The following WDR7 variants were observed in gnomAD, a reference collection of about 807,000 sequenced individuals.
The protein encoded by WDR7 is WD repeat-containing protein 7.
In WDR7, 46 loss-of-function variants were observed where a neutral mutation model predicts 169.4. The ratio of observed to expected loss-of-function variants is 0.27; its 90% CI spans 0.21 to 0.35. WDR7 has a LOEUF of 0.35. WDR7 is among the 10% of genes least tolerant of loss of function. The pLI is 1.00. For missense variants in WDR7, 1,534 were observed against 1,859.3 expected (o/e 0.83, Z 3.22); for synonymous variants, 612 against 666.8 (o/e 0.92, Z 1.27).
In WDR7 at chr18:56,756,817, C is replaced by G. The variant is rs144560265; in HGVS notation, c.2224C>G (p.Leu742Val). 3 of 1,613,996 alleles carry G rather than the reference C, an allele frequency of 1.9e-6. No individual in the cohort carries two copies. The highest frequency in any genetic ancestry group is 2.5e-6 in the Non-Finnish European group (3 of 1,179,992). The change falls in exon 15 of 28, where the codon CTC becomes GTC. Residue 742 changes from leucine to valine, a missense_variant. Leu to Val is a conservative substitution (Grantham distance 32, BLOSUM62 1). Transcript: ENST00000254442. ...SFLTGKRAAV[L>V]FQQVKETIKE... The stretch of plus-strand genomic sequence containing the variant: ...TTTAACTGGAAAACGAGCAGCAGTT[C>G]TCTTCCAACAAGTGAAAGAAACGAT...
At chr18:56,985,850 A>G (rs1192655684) in intron 26 of WDR7, among the ~76,000 whole-genome samples, 1 of 152,154 alleles carries the variant, frequency 6.6e-6, no homozygotes, top group Admixed American at 6.6e-5. Flanking sequence ...GGTAGAGTGA[A>G]TAAAATGTAC....
intron 13 of WDR7, 78 bp from the exon 14 acceptor site, chr18:56,731,305 C>G (rs1206738862): frequency 2.0e-6 from 3 of 1,485,394 alleles, no homozygotes; most frequent in Non-Finnish European, 2.7e-6. Context: ...AAAAAATTTT[C>G]ATACCATTTT....
intron 12 of WDR7, among the ~76,000 whole-genome samples, chr18:56,708,967 A>G (rs1158389212): frequency 6.6e-6 from 1 of 151,916 alleles, no homozygotes; most frequent in Non-Finnish European, 1.5e-5. Flanking sequence ...ACAACAACAA[A>G]ACTTTATAAT....
intron 5 of WDR7, 30 bp from the exon 6 acceptor site, chr18:56,685,926 G>A (rs1395413862): frequency 6.4e-6 from 10 of 1,566,678 alleles, no homozygotes; most frequent in Non-Finnish European, 7.8e-6. Context: ...TTCGTAACCT[G>A]GGCTGCTTTT....
chr18:56,671,268 A>G (rs572134933), intron 1 of WDR7, among the ~76,000 whole-genome samples: 1 of 151,248 alleles, frequency 6.6e-6, no homozygotes, highest in East Asian at 2.0e-4. Context: ...GTGTGGTTGA[A>G]TGGGTTTCAC....
chr18:56,780,799 CA>C (rs1203547896), intron 18 of WDR7, among the ~76,000 whole-genome samples: 16 of 152,200 alleles, frequency 1.1e-4, no homozygotes, highest in Admixed American at 6.5e-4. Context: ...CACTTGGTCT[CA>C]GAAAAAGTTA....
At chr18:56,868,736 C>T (rs1168674210) in intron 20 of WDR7, among the ~76,000 whole-genome samples, 2 of 152,064 alleles carry the variant, frequency 1.3e-5, no homozygotes, top group Non-Finnish European at 2.9e-5. Flanking sequence ...TATTCCTTTT[C>T]TCATGGAAAT....
At chr18:57,019,339 TATC>T (rs941990819) in intron 26 of WDR7, among the ~76,000 whole-genome samples, 7 of 152,158 alleles carry the variant, frequency 4.6e-5, no homozygotes, top group Non-Finnish European at 8.8e-5. Context: ...ATATTATCAT[TATC>T]ATCATCATCA....
intron 25 of WDR7, among the ~76,000 whole-genome samples, chr18:56,941,618 T>C (rs1350679475): frequency 6.6e-6 from 1 of 152,154 alleles, no homozygotes; most frequent in Non-Finnish European, 1.5e-5. Context: ...TTGAATTTCA[T>C]AGGAAAGAGT....
chr18:56,674,637 G>A (rs1264270609), intron 2 of WDR7, among the ~76,000 whole-genome samples: 4 of 151,544 alleles, frequency 2.6e-5, no homozygotes, highest in South Asian at 2.1e-4. Flanking sequence ...TCACTTTCTC[G>A]ATTGTGTCCT....
rs115399044 is a variant in WDR7 at position 57,016,207 on chromosome 18, G to A, written c.4165-4538G>A. ...TGAGAAGCCCACAGCCACACCGGCCGCTTCCCTCTCAGCCCCTCAAGATCT... is the reference window on the plus strand; with the variant it reads ...TGAGAAGCCCACAGCCACACCGGCCACTTCCCTCTCAGCCCCTCAAGATCT... On this transcript the variant is annotated intron_variant, in intron 26 of 27. Coordinates refer to ENST00000254442, the MANE Select transcript of WDR7 (RefSeq NM_015285.3). 8.3e-3 allele frequency among the ~76,000 whole-genome samples: 1,257 copies of A among 152,126 alleles called. 16 individuals are homozygous for A. Among genetic ancestry groups the A allele is most frequent in the African/African-American group, 0.029 (1,192 of 41,490 alleles).
At position 56,691,933 on chromosome 18, in the gene WDR7, A is replaced by G; in HGVS notation, c.966+116A>G. The G allele has an allele frequency of 5.6e-6, 4 of 714,196 alleles. No homozygotes were observed. The South Asian group carries it at 1.0e-4, about 18-fold the overall frequency. 44.2% of individuals were successfully genotyped at this position (714,196 alleles called of 1,614,324 possible). ...TTGATACAATTCAAAGCACTGTGTT[A>G]AATGTAAAACATTTTGAGATGGTCA... is the stretch of plus-strand genomic sequence containing the variant. On this transcript the variant is annotated intron_variant, in intron 9 of 27. Transcript: ENST00000254442.
intron 21 of WDR7, 141 bp downstream of exon 21, chr18:56,880,306 C>A: frequency 2.6e-6 from 2 of 759,934 alleles, no homozygotes; most frequent in Non-Finnish European, 4.2e-6. Flanking sequence ...TACAATCTGG[C>A]ACATTTCCCG....
chr18:56,657,933 G>GT (rs991068835), intron 1 of WDR7, among the ~76,000 whole-genome samples: 218 of 144,422 alleles, frequency 1.5e-3, no homozygotes, highest in Non-Finnish European at 1.7e-3. Context: ...AATTACAGGG[G>GT]TTTTTTTTTT....
At position 57,012,705 on chromosome 18, in the gene WDR7, A is replaced by T. The variant is rs114242573; in HGVS notation, c.4165-8040A>T. Among the ~76,000 whole-genome samples, 483 of 152,322 alleles carry T rather than the reference A, an allele frequency of 3.2e-3. 1 individual carries two copies. The highest frequency in any genetic ancestry group is 9.3e-3 in the African/African-American group (385 of 41,578). ...TTATAAGTGTTAGTGTATAATATAC[A>T]TAAGACTTTCTCAGCTGTAGGAAAG... On this transcript the variant is annotated intron_variant, in intron 26 of 27. Transcript: ENST00000254442.
intron 19 of WDR7, among the ~76,000 whole-genome samples, chr18:56,814,808 A>G (rs573323011): frequency 1.3e-5 from 2 of 152,312 alleles, no homozygotes; most frequent in East Asian, 3.9e-4. Context: ...AAAAATTAAA[A>G]AAAAAAATGC....
At chr18:56,759,084 G>T in intron 16 of WDR7, 131 bp downstream of exon 16, 3 of 597,776 alleles carry the variant, frequency 5.0e-6, no homozygotes, top group Non-Finnish European at 8.1e-6. Context: ...TTATATTCCA[G>T]ATGTAAATAT....
chr18:57,023,141 G>T (rs894795879), intron 27 of WDR7, among the ~76,000 whole-genome samples: 2 of 152,138 alleles, frequency 1.3e-5, no homozygotes, highest in Non-Finnish European at 2.9e-5. Context: ...AGCTTTCTCA[G>T]GAAAATGCAA....
At chr18:56,735,542 C>G (rs1408711467) in intron 14 of WDR7, among the ~76,000 whole-genome samples, 1 of 151,904 alleles carries the variant, frequency 6.6e-6, no homozygotes, top group Non-Finnish European at 1.5e-5. Context: ...CTGCAGTTCA[C>G]ATTTTTGGGT....
Sources: allele counts gnomAD v4.1 joint callset (sites outside exome capture counted in the v4.1 genomes callset), GRCh38; gene constraint gnomAD v4.1.1; transcripts MANE v1.5; gene names NCBI Gene and HGNC (gene_info 2026-07-23, HGNC 2026-07-21).